EHMT1: variants seen among roughly 807,000 people sequenced by gnomAD.
EHMT1 encodes histone-lysine N-methyltransferase EHMT1.
Under a neutral mutation model 147.2 loss-of-function variants are expected in EHMT1, and 15 were observed. That is an observed-to-expected ratio of 0.10 (90% CI 0.07 to 0.16). The LOEUF (loss-of-function observed/expected upper bound fraction) is 0.16, where lower values mean the gene tolerates loss of function less well. EHMT1 is among the 10% of genes least tolerant of loss of function. The pLI, the probability that EHMT1 is intolerant of heterozygous loss-of-function variation, is 1.00. For synonymous variants in EHMT1, 795 were observed against 709.6 expected, an observed-to-expected ratio of 1.12 and a Z score of -1.91; for missense variants, 1,587 against 1,772.4, an observed-to-expected ratio of 0.90 and a Z score of 1.88.
chr9:137,814,204 C>T (rs1954742672), intron 21 of EHMT1: 1 of 626,982 alleles, frequency 1.6e-6, no homozygotes, highest in Non-Finnish European at 2.9e-6. Context: ...GCCCTGCCTG[C>T]CCCCTGTCCC....
intron 9 of EHMT1, 152 bp downstream of exon 9, chr9:137,758,163 G>A: frequency 1.8e-6 from 2 of 1,095,004 alleles, no homozygotes; most frequent in Non-Finnish European, 2.7e-6. Flanking sequence ...ACAGGATGGG[G>A]TGCGTTTGCT....
At chr9:137,724,969 CATTCGTGTGGCAGACGTGTGGCATTAG>C (rs1946462724) in intron 3 of EHMT1, among the ~76,000 whole-genome samples, 6 of 149,210 alleles carry the variant, frequency 4.0e-5, no homozygotes, top group African/African-American at 1.5e-4. Flanking sequence ...ATTCATGGGG[CATTCGTGTGGCAGACGTGTGGCATTAG>C]TGTGGCAGGC....
chr9:137,780,165 G>A (rs1951284547), intron 14 of EHMT1, among the ~76,000 whole-genome samples: 1 of 145,050 alleles, frequency 6.9e-6, no homozygotes, highest in South Asian at 2.2e-4. Flanking sequence ...GATGTGTGGT[G>A]ATGACGGCAT....
intron 18 of EHMT1, among the ~76,000 whole-genome samples, chr9:137,806,694 A>C (rs1042732667): frequency 6.6e-6 from 1 of 152,054 alleles, no homozygotes; most frequent in Non-Finnish European, 1.5e-5. Flanking sequence ...CGGACTCCCA[A>C]AGTGCTGGGA....
chr9:137,668,638 T>A (rs986450392), intron 1 of EHMT1, among the ~76,000 whole-genome samples: 1 of 152,142 alleles, frequency 6.6e-6, no homozygotes, highest in Admixed American at 6.5e-5. Flanking sequence ...CCCAACCCAG[T>A]CCCTGGCAAC....
chr9:137,690,029 A>G (rs543669084), intron 1 of EHMT1, among the ~76,000 whole-genome samples: 1 of 152,214 alleles, frequency 6.6e-6, no homozygotes, highest in Non-Finnish European at 1.5e-5. Context: ...ATGGGAAGCC[A>G]CTAGAATGTT....
intron 25 of EHMT1, among the ~76,000 whole-genome samples, chr9:137,831,716 G>GTT (rs1956199287): frequency 6.6e-6 from 1 of 152,262 alleles, no homozygotes; most frequent in Non-Finnish European, 1.5e-5. Context: ...GCTGGACTCA[G>GTT]TTGAGTGTTC....
intron 4 of EHMT1, among the ~76,000 whole-genome samples, chr9:137,738,424 C>T (rs899393202): frequency 1.3e-5 from 2 of 152,024 alleles, no homozygotes; most frequent in African/African-American, 4.8e-5. Context: ...AGTGAGGATG[C>T]GGAGAAATGG....
At chr9:137,750,732 G>T (rs1187172198) in intron 6 of EHMT1, among the ~76,000 whole-genome samples, 4 of 152,222 alleles carry the variant, frequency 2.6e-5, no homozygotes, top group African/African-American at 9.6e-5. Context: ...GCACAGTGGG[G>T]GACACCGGAG....
chr9:137,679,126 C>G (rs918942745), intron 1 of EHMT1, among the ~76,000 whole-genome samples: 1 of 151,880 alleles, frequency 6.6e-6, no homozygotes, highest in Non-Finnish European at 1.5e-5. Flanking sequence ...AATTTTTGTA[C>G]TTTTAATAGA....
At chr9:137,812,338 CAAAA>C (rs201534291) in intron 19 of EHMT1, among the ~76,000 whole-genome samples, 1 of 151,016 alleles carries the variant, frequency 6.6e-6, no homozygotes, top group African/African-American at 2.5e-5. Context: ...GATTCTGTCT[CAAAA>C]AAAACCCAAA....
Position 137,758,138 on chromosome 9 carries a change from C to T in EHMT1, c.1501+127C>T. Reference sequence around the variant, plus strand: ...GAAGATCGGGTTAACTGCATCACTTCCAGCTGAGGTGTAGACAGGATGGGG... The same window carrying T: ...GAAGATCGGGTTAACTGCATCACTTTCAGCTGAGGTGTAGACAGGATGGGG... On this transcript the variant is annotated intron_variant, in intron 9 of 26. Coordinates refer to ENST00000460843, the MANE Select transcript of EHMT1 (RefSeq NM_024757.5). 3 of 1,288,356 alleles carry T rather than the reference C, an allele frequency of 2.3e-6. No homozygotes were observed. The South Asian group carries it at 3.6e-5, about 16-fold the overall frequency. The allele number at this position is 1,288,356 out of a possible 1,614,324, so 79.8% of individuals were successfully genotyped here.
At chr9:137,683,643 G>A (rs1942173186) in intron 1 of EHMT1, among the ~76,000 whole-genome samples, 1 of 152,214 alleles carries the variant, frequency 6.6e-6, no homozygotes, top group Non-Finnish European at 1.5e-5. Context: ...CTAACAGTAT[G>A]TGTAGTATCT....
At chr9:137,720,202 G>GCC (rs1945807170) in intron 3 of EHMT1, among the ~76,000 whole-genome samples, 1 of 150,956 alleles carries the variant, frequency 6.6e-6, no homozygotes. Context: ...GTCGAGATAT[G>GCC]GAACCCCCCA....
intron 1 of EHMT1, among the ~76,000 whole-genome samples, chr9:137,628,517 C>G (rs1230148469): frequency 6.6e-6 from 1 of 152,174 alleles, no homozygotes; most frequent in Non-Finnish European, 1.5e-5. Context: ...TGGGCTCAGG[C>G]GATTCTCCCG....
chr9:137,832,707 A>AC (rs1956303295), intron 25 of EHMT1: 1 of 152,464 alleles, frequency 6.6e-6, no homozygotes, highest in Non-Finnish European at 1.5e-5. Context: ...AGACTTTGAC[A>AC]CCCCACCCAT....
chr9:137,802,831 C>CG, intron 18 of EHMT1: 4 of 1,232,002 alleles, frequency 3.2e-6, no homozygotes, highest in Non-Finnish European at 1.0e-6. Flanking sequence ...CTCATTCCAC[C>CG]GGAGTTCTTT....
chr9:137,650,653 A>G lies in EHMT1; in HGVS notation c.21+31604A>G, dbSNP rs776562287. 6.3e-4 allele frequency among the ~76,000 whole-genome samples: 94 copies of G among 148,292 alleles called. 1 individual carries two copies. The highest frequency in any genetic ancestry group is 1.1e-3 in the Non-Finnish European group (76 of 67,468). Reference sequence around the variant, plus strand: ...TATAGAGGGAAGTCCCTTATCAGATATAGGACCCCCCGCTTTTTTTTTTTT... The same window carrying G: ...TATAGAGGGAAGTCCCTTATCAGATGTAGGACCCCCCGCTTTTTTTTTTTT... On this transcript the variant is annotated intron_variant, in intron 1 of 26. Coordinates refer to ENST00000460843, the MANE Select transcript of EHMT1 (RefSeq NM_024757.5).
intron 1 of EHMT1, among the ~76,000 whole-genome samples, chr9:137,694,793 C>A (rs893089157): frequency 6.6e-6 from 1 of 152,148 alleles, no homozygotes; most frequent in East Asian, 1.9e-4. Context: ...CTTGACCCGG[C>A]GAATCTCCTG....
Sources: allele counts gnomAD v4.1 joint callset (sites outside exome capture counted in the v4.1 genomes callset), GRCh38; gene constraint gnomAD v4.1.1; transcripts MANE v1.5; gene names NCBI Gene and HGNC (gene_info 2026-07-23, HGNC 2026-07-21).